Variants in TLK2 observed in about 807,000 individuals in gnomAD.
TLK2 encodes the protein serine/threonine-protein kinase tousled-like 2.
A neutral mutation model predicts 117.3 loss-of-function variants in TLK2; 6 were observed. The ratio of observed to expected loss-of-function variants is 0.05; its 90% CI spans 0.03 to 0.10. TLK2 has a LOEUF of 0.10. TLK2 is among the 10% of genes least tolerant of loss of function. The pLI is 1.00. For missense variants in TLK2, 299 were observed against 901.2 expected (o/e 0.33, Z 8.56); for synonymous variants, 257 against 316.7 (o/e 0.81, Z 2.00).
rs183892694 is a variant in TLK2 at position 62,482,971 on chromosome 17, G to A, written c.81+1765G>A. Among the ~76,000 whole-genome samples, 510 of 152,240 alleles carry A rather than the reference G, an allele frequency of 3.3e-3. 11 individuals carry two copies. The highest frequency in any genetic ancestry group is 0.026 in the Admixed American group (399 of 15,270). ...CTTAATTTCTTTGGCCACTTAAACA[G>A]TTTACTTTTGTGGCACTTTAGAGTG... On this transcript the variant is annotated intron_variant, in intron 2 of 21. Coordinates refer to ENST00000346027, the MANE Select transcript of TLK2 (RefSeq NM_006852.6).
chr17:62,518,196 G>T (rs2075768904), intron 2 of TLK2, among the ~76,000 whole-genome samples: 1 of 152,120 alleles, frequency 6.6e-6, no homozygotes, highest in Admixed American at 6.6e-5. Flanking sequence ...TTGCAACCTC[G>T]GGCATAAATG....
chr17:62,593,940 A>C lies in TLK2; in HGVS notation c.1461-2645A>C, dbSNP rs1265186559. ...CCCAAATAGCTGGGATTACAGGTGC[A>C]CACCACCGCTCCCTGCTGCTTTTTG... On this transcript the variant is annotated intron_variant, in intron 16 of 21. Coordinates refer to ENST00000346027, the MANE Select transcript of TLK2 (RefSeq NM_006852.6). 3.3e-5 allele frequency among the ~76,000 whole-genome samples: 5 copies of C among 151,180 alleles called. No homozygotes were observed. In the East Asian group the frequency reaches 7.9e-4, roughly 24 times the overall value.
At chr17:62,562,945 C>T (rs1291756813) in intron 10 of TLK2, among the ~76,000 whole-genome samples, 1 of 152,016 alleles carries the variant, frequency 6.6e-6, no homozygotes, top group African/African-American at 2.4e-5. Flanking sequence ...CACAGCAAGA[C>T]CATCTTTATT....
At chr17:62,505,968 C>T (rs2074654018) in intron 2 of TLK2, among the ~76,000 whole-genome samples, 1 of 152,224 alleles carries the variant, frequency 6.6e-6, no homozygotes, top group African/African-American at 2.4e-5. Flanking sequence ...GCTGGGATTA[C>T]AGGTGTGAGC....
chr17:62,514,852 T>TA (rs2075442960), intron 2 of TLK2, among the ~76,000 whole-genome samples: 1 of 152,236 alleles, frequency 6.6e-6, no homozygotes, highest in Non-Finnish European at 1.5e-5. Flanking sequence ...GTGCTGGGCT[T>TA]ACAGGCGTGA....
At chr17:62,494,043 A>T (rs1194042073) in intron 2 of TLK2, among the ~76,000 whole-genome samples, 2 of 152,124 alleles carry the variant, frequency 1.3e-5, no homozygotes, top group Admixed American at 1.3e-4. Context: ...ACATTTGCTA[A>T]TTTGCTATCC....
chr17:62,534,267 C>T (rs2076962236), intron 6 of TLK2, among the ~76,000 whole-genome samples: 2 of 152,110 alleles, frequency 1.3e-5, no homozygotes, highest in South Asian at 4.2e-4. Flanking sequence ...CATAAGACTA[C>T]CCCTTGGAAG....
intron 16 of TLK2, among the ~76,000 whole-genome samples, chr17:62,596,007 T>C (rs2082454237): frequency 6.6e-6 from 1 of 152,164 alleles, no homozygotes; most frequent in Admixed American, 6.5e-5. Context: ...GTGATTATCA[T>C]AGAATGAACT....
chr17:62,577,942 G>A (rs978446824), intron 13 of TLK2, among the ~76,000 whole-genome samples: 3 of 152,160 alleles, frequency 2.0e-5, no homozygotes, highest in Non-Finnish European at 4.4e-5. Context: ...AGCTACTCGG[G>A]AGGCTGAGGC....
At chr17:62,473,736 T>C (rs1231399140) in intron 1 of TLK2, among the ~76,000 whole-genome samples, 1 of 152,228 alleles carries the variant, frequency 6.6e-6, no homozygotes, top group South Asian at 2.1e-4. Context: ...TAAAGTTTTA[T>C]TGGAACACAG....
chr17:62,507,432 C>T (rs1254024245), intron 2 of TLK2: 1 of 152,090 alleles, frequency 6.6e-6, no homozygotes, highest in East Asian at 1.9e-4. Context: ...TATTTTGACT[C>T]TGGTATGGTA....
upstream of TLK2, among the ~76,000 whole-genome samples, chr17:62,474,716 C>T (rs1217077425): frequency 1.3e-5 from 2 of 151,930 alleles, no homozygotes; most frequent in East Asian, 1.9e-4. Flanking sequence ...GCCTAGAAGA[C>T]GGAAGTTTGC....
At chr17:62,574,157 C>G (rs1312110445) in intron 12 of TLK2, among the ~76,000 whole-genome samples, 2 of 152,158 alleles carry the variant, frequency 1.3e-5, no homozygotes, top group Non-Finnish European at 2.9e-5. Context: ...TAATCCACTT[C>G]AGGTATAATA....
intron 3 of TLK2, among the ~76,000 whole-genome samples, chr17:62,521,703 G>A (rs569949968): frequency 6.6e-6 from 1 of 152,032 alleles, no homozygotes; most frequent in South Asian, 2.1e-4. Context: ...TTGTTCATTT[G>A]CTTAACTATT....
chr17:62,491,800 G>A lies in TLK2; in HGVS notation c.81+10594G>A, dbSNP rs556643450. Among the ~76,000 whole-genome samples, 8 of 152,254 alleles carry A rather than the reference G, an allele frequency of 5.3e-5. No homozygotes were observed. In the South Asian group the frequency reaches 1.7e-3, roughly 32 times the overall value. ...GGGGTTTCACCGTGTTGGCCAGGAT[G>A]GTCTCGATCTCCTGACCTCATGATC... On this transcript the variant is annotated intron_variant, in intron 2 of 21. Coordinates refer to ENST00000346027, the MANE Select transcript of TLK2 (RefSeq NM_006852.6).
chr17:62,539,409 A>T (rs1373281381), intron 7 of TLK2, among the ~76,000 whole-genome samples: 1 of 150,372 alleles, frequency 6.7e-6, no homozygotes, highest in South Asian at 2.1e-4. Context: ...TGAACATTAG[A>T]GTGTTCCAGG....
At chr17:62,539,382 C>T (rs535999273) in intron 7 of TLK2, among the ~76,000 whole-genome samples, 38 of 152,122 alleles carry the variant, frequency 2.5e-4, no homozygotes, top group Non-Finnish European at 4.7e-4. Context: ...TTGATTTTTC[C>T]TCACATTCTC....
At chr17:62,503,319 A>G (rs865775892) in intron 2 of TLK2, among the ~76,000 whole-genome samples, 33 of 152,058 alleles carry the variant, frequency 2.2e-4, no homozygotes, top group African/African-American at 8.0e-4. Flanking sequence ...TGGCCTCCCA[A>G]AGTGCTGGAA....
At chr17:62,610,177 C>T (rs902413039) in intron 21 of TLK2, among the ~76,000 whole-genome samples, 1 of 152,190 alleles carries the variant, frequency 6.6e-6, no homozygotes, top group African/African-American at 2.4e-5. Flanking sequence ...GAACAAATGT[C>T]TCCAAAACTT....
Sources: allele counts gnomAD v4.1 joint callset (sites outside exome capture counted in the v4.1 genomes callset), GRCh38; gene constraint gnomAD v4.1.1; transcripts MANE v1.5; gene names NCBI Gene and HGNC (gene_info 2026-07-23, HGNC 2026-07-21).